KIF1B: variants seen among roughly 807,000 people sequenced by gnomAD.
KIF1B encodes the protein kinesin family member 1B, also known as kinesin-like protein KIF1B.
Under a neutral mutation model 241.9 loss-of-function variants are expected in KIF1B, and 76 were observed. The ratio of observed to expected loss-of-function variants is 0.31; its 90% CI spans 0.26 to 0.38. The LOEUF is 0.38. KIF1B is among the 10% of genes least tolerant of loss of function. The pLI, the probability that KIF1B is intolerant of heterozygous loss-of-function variation, is 1.00. For synonymous variants in KIF1B, 750 were observed against 796.7 expected (o/e 0.94, Z 0.99); for missense variants, 1,622 against 2,271.4 (o/e 0.71, Z 5.81).
chr1:10,347,347 TAGAC>T (rs1433660735), intron 35 of KIF1B, among the ~76,000 whole-genome samples: 1 of 152,204 alleles, frequency 6.6e-6, no homozygotes, highest in African/African-American at 2.4e-5. Flanking sequence ...TGACTTTTCA[TAGAC>T]AGACTTATGA....
At chr1:10,211,047 C>T (rs931297326) in intron 1 of KIF1B, among the ~76,000 whole-genome samples, 169 bp downstream of exon 1, 3 of 151,962 alleles carry the variant, frequency 2.0e-5, no homozygotes, top group Non-Finnish European at 4.4e-5. Context: ...GGGACCCCTC[C>T]CTAGGCCAGC....
At chr1:10,328,923 T>C (rs571719723) in intron 27 of KIF1B, among the ~76,000 whole-genome samples, 47 of 152,332 alleles carry the variant, frequency 3.1e-4, no homozygotes, top group Admixed American at 5.9e-4. Context: ...CTAGCAAAAA[T>C]GAATATCCTG....
intron 7 of KIF1B, among the ~76,000 whole-genome samples, chr1:10,269,935 A>C (rs972441086): frequency 6.6e-6 from 1 of 152,184 alleles, no homozygotes; most frequent in Non-Finnish European, 1.5e-5. Context: ...AGAACATTGT[A>C]TGTGAAGGTG....
intron 22 of KIF1B, chr1:10,307,533 T>C (rs1065828): frequency 0.35 from 208,444 of 603,958 alleles, 36,359 homozygotes; most frequent in Admixed American, 0.38. Flanking sequence ...TGGTCTCGAA[T>C]TCCTAACCTC....
intron 4 of KIF1B, among the ~76,000 whole-genome samples, chr1:10,259,642 A>G (rs1648007328): frequency 6.6e-6 from 1 of 151,962 alleles, no homozygotes; most frequent in South Asian, 2.1e-4. Context: ...AGCTGGGACA[A>G]TAGGCACCCA....
At chr1:10,274,907 C>A (rs1261447780) in intron 10 of KIF1B, 4 of 394,106 alleles carry the variant, frequency 1.0e-5, no homozygotes, top group Non-Finnish European at 9.9e-6. Context: ...TGACCTTTTC[C>A]TTCACAGTAA....
In KIF1B at chr1:10,323,893, C is replaced by G; in HGVS notation, c.2368C>G (p.Gln790Glu). The change falls in exon 25 of 49, where the codon CAG becomes GAG. Residue 790 changes from glutamine to glutamate, a missense_variant. Coordinates refer to ENST00000676179, the MANE Select transcript of KIF1B (RefSeq NM_001365951.3). The part of the protein sequence containing the change: ...SVELKKKVQF[Q>E]FVLLTDTLYS... ...TATTCTTTCTATTCAGGTGCAGTTT[C>G]AGTTTGTTCTGCTGACTGACACACT... The G allele has an allele frequency of 6.2e-7, 1 of 1,613,894 alleles. No individual in the cohort carries two copies. Among genetic ancestry groups the G allele is most frequent in the Non-Finnish European group, 8.5e-7 (1 of 1,179,790 alleles).
intron 27 of KIF1B, among the ~76,000 whole-genome samples, chr1:10,327,537 C>T (rs1557716630): frequency 6.6e-6 from 1 of 151,374 alleles, no homozygotes; most frequent in Non-Finnish European, 1.5e-5. Flanking sequence ...TTGTTTGGTG[C>T]TATATGAAAC....
chr1:10,358,949 C>T (rs1263610874), intron 38 of KIF1B, among the ~76,000 whole-genome samples: 1 of 152,198 alleles, frequency 6.6e-6, no homozygotes, highest in Non-Finnish European at 1.5e-5. Context: ...AGTTGTTTCT[C>T]TATCTTCTGT....
chr1:10,225,279 T>A (rs926636691), intron 1 of KIF1B, among the ~76,000 whole-genome samples: 1 of 151,906 alleles, frequency 6.6e-6, no homozygotes, highest in African/African-American at 2.4e-5. Flanking sequence ...ATGGTTCCAC[T>A]GCACTCCAGT....
intron 2 of KIF1B, among the ~76,000 whole-genome samples, chr1:10,235,455 G>A (rs554059584): frequency 6.6e-6 from 1 of 152,074 alleles, no homozygotes; most frequent in South Asian, 2.1e-4. Context: ...GTCTCACCAT[G>A]TTGCCCAGGC....
At chr1:10,219,492 C>CA (rs1284326711) in intron 1 of KIF1B, among the ~76,000 whole-genome samples, 1 of 151,390 alleles carries the variant, frequency 6.6e-6, no homozygotes, top group African/African-American at 2.4e-5. Flanking sequence ...CCTTATGGCT[C>CA]ACGCCTGTAA....
intron 22 of KIF1B, among the ~76,000 whole-genome samples, chr1:10,317,948 T>G (rs1316580447): frequency 6.6e-6 from 1 of 151,512 alleles, no homozygotes; most frequent in Non-Finnish European, 1.5e-5. Flanking sequence ...GGTAGGCAGG[T>G]CAAATGCTAA....
At chr1:10,253,077 C>T (rs543923833) in intron 2 of KIF1B, among the ~76,000 whole-genome samples, 7 of 152,224 alleles carry the variant, frequency 4.6e-5, no homozygotes, top group Admixed American at 4.6e-4. Flanking sequence ...GGGGTGGCCA[C>T]ATACATGTAG....
intron 1 of KIF1B, among the ~76,000 whole-genome samples, chr1:10,225,994 A>C (rs989426724): frequency 2.0e-5 from 3 of 152,212 alleles, no homozygotes; most frequent in African/African-American, 7.2e-5. Context: ...TAACTGTGGT[A>C]AAGATAATAA....
At chr1:10,293,082 A>G (rs941839618) in intron 17 of KIF1B, among the ~76,000 whole-genome samples, 1 of 71,360 alleles carries the variant, frequency 1.4e-5, no homozygotes, top group Non-Finnish European at 2.6e-5. Flanking sequence ...TCCTGGCCAC[A>G]TAACTTTTTT....
At chr1:10,305,211 T>A in intron 22 of KIF1B, 1 of 1,045,958 alleles carries the variant, frequency 9.6e-7, no homozygotes, top group Non-Finnish European at 1.2e-6. Context: ...AAACATATCT[T>A]GCAATACATA....
intron 22 of KIF1B, among the ~76,000 whole-genome samples, chr1:10,318,791 CT>C (rs1271731392): frequency 6.6e-6 from 1 of 152,110 alleles, no homozygotes; most frequent in Admixed American, 6.6e-5. Context: ...TAGTATTGCG[CT>C]GTTTGAAGGT....
At position 10,320,064 on chromosome 1, in the gene KIF1B, G is replaced by T; in HGVS notation, c.2137G>T (p.Ala713Ser). Residue 713 changes from alanine (A) to serine (S), a missense_variant, in exon 23 of 49, where the codon GCC becomes TCC. Physicochemically the swap from Ala to Ser is moderately conservative, Grantham distance 99. Transcript: ENST00000676179. ...TCAGGACTATGAGAGTAAATTGCAGGCCTTGCAGAAGCAGGTTGAAACCCG... is the reference window on the plus strand; with the variant it reads ...TCAGGACTATGAGAGTAAATTGCAGTCCTTGCAGAAGCAGGTTGAAACCCG... The part of the protein sequence containing the change: ...QRLDYESKLQ[A>S]LQKQVETRSL... The T allele has an allele frequency of 6.2e-7, 1 of 1,613,048 alleles. No individual in the cohort carries two copies. The highest frequency in any genetic ancestry group is 8.5e-7 in the Non-Finnish European group (1 of 1,179,182).
Sources: allele counts gnomAD v4.1 joint callset (sites outside exome capture counted in the v4.1 genomes callset), GRCh38; gene constraint gnomAD v4.1.1; transcripts MANE v1.5; gene names NCBI Gene and HGNC (gene_info 2026-07-23, HGNC 2026-07-21).